LRRC3B: variants seen among roughly 807,000 people sequenced by gnomAD.
The protein encoded by LRRC3B is leucine-rich repeat-containing protein 3B.
LRRC3B carries 2 observed loss-of-function variants against 12.8 expected under a neutral mutation model. That is an observed-to-expected ratio of 0.16 (90% CI 0.06 to 0.49). LRRC3B has a LOEUF of 0.49. LRRC3B is among the 20% of genes least tolerant of loss of function. The probability of loss-of-function intolerance (pLI) is 0.96; values close to 1 mark genes in which losing one functional copy is unlikely to be tolerated. For missense variants in LRRC3B, 189 were observed against 319.4 expected, an observed-to-expected ratio of 0.59 and a Z score of 3.11; for synonymous variants, 132 against 122.0, an observed-to-expected ratio of 1.08 and a Z score of -0.54.
intron 1 of LRRC3B, among the ~76,000 whole-genome samples, chr3:26,678,143 T>G (rs1174722631): frequency 1.3e-5 from 2 of 152,082 alleles, no homozygotes; most frequent in Admixed American, 1.3e-4. Flanking sequence ...ACAGTAGTTT[T>G]AGGTACATAT....
chr3:26,675,065 GTCTT>G (rs1431818443), intron 1 of LRRC3B, among the ~76,000 whole-genome samples: 1 of 152,138 alleles, frequency 6.6e-6, no homozygotes, highest in African/African-American at 2.4e-5. Flanking sequence ...ACATGTTCTA[GTCTT>G]TCTTTGATCT....
At chr3:26,639,838 G>T (rs1320385704) in intron 1 of LRRC3B, among the ~76,000 whole-genome samples, 1 of 151,982 alleles carries the variant, frequency 6.6e-6, no homozygotes, top group Non-Finnish European at 1.5e-5. Flanking sequence ...CTTCTCTTTA[G>T]AATCCTTTTG....
rs9331540 is a variant in LRRC3B at position 26,671,413 on chromosome 3, G to GAGAGAGAGAGACACAC, written c.-160-38099_-160-38098insGAGAGAGAGACACACA. Reference sequence around the variant, plus strand: ...AGAGAGAGAGAGAGAGAGAGAGAGAGACGAAGTCTTGCTCTGTCGCCAGGC... The same window carrying GAGAGAGAGAGACACAC: ...AGAGAGAGAGAGAGAGAGAGAGAGAGAGAGAGAGAGACACACACGAAGTCTTGCTCTGTCGCCAGGC... On this transcript the variant is annotated intron_variant, in intron 1 of 1. Transcript: ENST00000396641. Among the ~76,000 whole-genome samples the GAGAGAGAGAGACACAC allele has an allele frequency of 4.0e-5, 4 of 99,388 alleles. 1 individual carries two copies. The highest frequency in any genetic ancestry group is 5.8e-5 in the Non-Finnish European group (3 of 51,310). 65.2% of individuals were successfully genotyped at this position (99,388 alleles called of 152,430 possible).
At chr3:26,658,595 C>G (rs774645998) in intron 1 of LRRC3B, among the ~76,000 whole-genome samples, 1 of 152,184 alleles carries the variant, frequency 6.6e-6, no homozygotes, top group Non-Finnish European at 1.5e-5. Flanking sequence ...CTGTTCTTAT[C>G]AAAGCCTCAT....
chr3:26,652,424 C>T (rs78204507), intron 1 of LRRC3B, among the ~76,000 whole-genome samples: 6,672 of 152,114 alleles, frequency 0.044, 315 homozygotes, highest in East Asian at 0.23. Context: ...TGAAGTGGGG[C>T]GGAAGAAAGA....
At chr3:26,635,589 C>T (rs1050771447) in intron 1 of LRRC3B, among the ~76,000 whole-genome samples, 1 of 152,226 alleles carries the variant, frequency 6.6e-6, no homozygotes, top group Non-Finnish European at 1.5e-5. Flanking sequence ...CTACACCAGG[C>T]ATCAACCCTG....
rs9825961 is a variant in LRRC3B, at chr3:26,704,644, T to C, written c.-160-4869T>C. 4.5e-3 allele frequency among the ~76,000 whole-genome samples: 691 copies of C among 152,202 alleles called. 1 individual carries two copies. Among genetic ancestry groups the C allele is most frequent in the African/African-American group, 0.015 (642 of 41,520 alleles). ...CAAACTTCTGGGCTCAAATAATCCT[T>C]GCACCTCAATCTATCTCATAAGTAG... On this transcript the variant is annotated intron_variant, in intron 1 of 1. Transcript: ENST00000396641.
intron 1 of LRRC3B, among the ~76,000 whole-genome samples, chr3:26,697,334 A>G (rs1257186107): frequency 1.3e-5 from 2 of 152,158 alleles, no homozygotes; most frequent in Admixed American, 6.5e-5. Flanking sequence ...GCTTGTCAGC[A>G]CTTCTTGACT....
chr3:26,633,511 AG>A (rs1459164905), intron 1 of LRRC3B, among the ~76,000 whole-genome samples: 1 of 152,250 alleles, frequency 6.6e-6, no homozygotes, highest in Non-Finnish European at 1.5e-5. Flanking sequence ...ATATGAAAAC[AG>A]GTTTGTAAAA....
chr3:26,626,566 CATAA>C (rs919097113), intron 1 of LRRC3B, among the ~76,000 whole-genome samples: 2 of 152,136 alleles, frequency 1.3e-5, no homozygotes, highest in Non-Finnish European at 2.9e-5. Context: ...TACCATTATA[CATAA>C]ATAAATTATG....
At chr3:26,638,775 G>A (rs990577785) in intron 1 of LRRC3B, among the ~76,000 whole-genome samples, 2 of 152,208 alleles carry the variant, frequency 1.3e-5, no homozygotes, top group African/African-American at 4.8e-5. Context: ...ATTGTCATCA[G>A]TGTTCATTCT....
chr3:26,661,592 C>G (rs1456578508), intron 1 of LRRC3B, among the ~76,000 whole-genome samples: 2 of 152,124 alleles, frequency 1.3e-5, no homozygotes, highest in Non-Finnish European at 2.9e-5. Context: ...TACATAACAT[C>G]ACATCAAATG....
intron 1 of LRRC3B, among the ~76,000 whole-genome samples, chr3:26,701,511 G>A (rs1418991666): frequency 6.6e-6 from 1 of 152,036 alleles, no homozygotes; most frequent in Non-Finnish European, 1.5e-5. Context: ...GGAATTCTGT[G>A]GGACAGTGAA....
intron 1 of LRRC3B, among the ~76,000 whole-genome samples, chr3:26,683,875 T>C (rs942434312): frequency 3.3e-5 from 5 of 152,242 alleles, no homozygotes; most frequent in African/African-American, 1.2e-4. Context: ...TCTTACTTTA[T>C]AGCACTTTGT....
chr3:26,629,971 C>CAAA (rs35195778), intron 1 of LRRC3B, among the ~76,000 whole-genome samples: 1 of 93,418 alleles, frequency 1.1e-5, no homozygotes, highest in African/African-American at 3.7e-5. Context: ...AGAAGCATGG[C>CAAA]AAAAAAAAAA....
intron 1 of LRRC3B, among the ~76,000 whole-genome samples, chr3:26,672,027 G>A (rs6802650): frequency 6.6e-6 from 1 of 151,936 alleles, no homozygotes; most frequent in Non-Finnish European, 1.5e-5. Flanking sequence ...TTTTAAAGAC[G>A]TTTCAATAAC....
chr3:26,690,018 C>G (rs1055161170), intron 1 of LRRC3B, among the ~76,000 whole-genome samples: 1 of 152,162 alleles, frequency 6.6e-6, no homozygotes, highest in Non-Finnish European at 1.5e-5. Flanking sequence ...GGTTCCCCAC[C>G]ACCTTCTTCC....
At chr3:26,634,675 A>G (rs1368123364) in intron 1 of LRRC3B, among the ~76,000 whole-genome samples, 1 of 152,252 alleles carries the variant, frequency 6.6e-6, no homozygotes, top group African/African-American at 2.4e-5. Flanking sequence ...CAAAATCTGC[A>G]CTTGCATTTG....
intron 1 of LRRC3B, among the ~76,000 whole-genome samples, chr3:26,666,577 A>G (rs1699608765): frequency 6.6e-6 from 1 of 152,164 alleles, no homozygotes; most frequent in East Asian, 1.9e-4. Flanking sequence ...GAATAGTTTT[A>G]GTTGTACAGA....
Sources: allele counts gnomAD v4.1 joint callset (sites outside exome capture counted in the v4.1 genomes callset), GRCh38; gene constraint gnomAD v4.1.1; transcripts MANE v1.5; gene names NCBI Gene and HGNC (gene_info 2026-07-23, HGNC 2026-07-21).